Variants in FAF1 observed in about 807,000 individuals in gnomAD.
The protein encoded by FAF1 is FAS-associated factor 1.
In FAF1, 25 loss-of-function variants were observed where a neutral mutation model predicts 92.5. That is an observed-to-expected ratio of 0.27 (90% CI 0.20 to 0.38). The LOEUF (loss-of-function observed/expected upper bound fraction) is 0.38. FAF1 is among the 10% of genes least tolerant of loss of function. The pLI is 1.00. For synonymous variants in FAF1, 234 were observed against 273.2 expected, an observed-to-expected ratio of 0.86 and a Z score of 1.42; for missense variants, 636 against 793.3, an observed-to-expected ratio of 0.80 and a Z score of 2.38.
At chr1:50,529,320 T>C (rs565263027) in intron 15 of FAF1, among the ~76,000 whole-genome samples, 4 of 152,162 alleles carry the variant, frequency 2.6e-5, no homozygotes, top group Non-Finnish European at 5.9e-5. Flanking sequence ...ATGAATGACA[T>C]GAAGTTCAGA....
intron 15 of FAF1, among the ~76,000 whole-genome samples, chr1:50,497,261 C>A: frequency 6.6e-6 from 1 of 151,986 alleles, no homozygotes; most frequent in Non-Finnish European, 1.5e-5. Flanking sequence ...CTCTAAAGTA[C>A]TGAAAGAAAT....
chr1:50,573,073 G>C (rs1350020891), intron 12 of FAF1, among the ~76,000 whole-genome samples: 1 of 151,712 alleles, frequency 6.6e-6, no homozygotes, highest in African/African-American at 2.4e-5. Flanking sequence ...GCAGGAGAGA[G>C]TGACTTCTCT....
intron 4 of FAF1, among the ~76,000 whole-genome samples, chr1:50,761,329 C>T (rs1389616533): frequency 6.6e-6 from 1 of 152,200 alleles, no homozygotes; most frequent in Admixed American, 6.5e-5. Context: ...TCCTCCCTAA[C>T]TCATTTGATG....
At chr1:50,539,796 A>T in intron 13 of FAF1, 68 bp from the exon 14 acceptor site, 1 of 1,121,120 alleles carries the variant, frequency 8.9e-7, no homozygotes, top group Admixed American at 2.0e-5. Flanking sequence ...TACTTCAACA[A>T]AGAACTCATT....
intron 8 of FAF1, among the ~76,000 whole-genome samples, chr1:50,643,572 T>C (rs571819026): frequency 7.9e-5 from 12 of 152,202 alleles, no homozygotes; most frequent in African/African-American, 2.6e-4. Context: ...TCTCTAGAAG[T>C]GTTACTTTGT....
intron 6 of FAF1, among the ~76,000 whole-genome samples, chr1:50,711,592 C>T (rs1657934460): frequency 6.6e-6 from 1 of 151,692 alleles, no homozygotes; most frequent in Non-Finnish European, 1.5e-5. Flanking sequence ...GCCTCGGCCT[C>T]CCGAGTAGCT....
Position 50,751,890 on chromosome 1 carries a change from A to G in FAF1, c.368-7115T>C, listed in dbSNP as rs576341815. Among the ~76,000 whole-genome samples the G allele has an allele frequency of 2.2e-4, 34 of 152,352 alleles. 1 individual carries two copies. In the South Asian group the frequency reaches 4.8e-3, roughly 21 times the overall value. ...CTCTCTTTTTTGCGAAGGACTGGTA[A>G]TAGTTCTTCCTTAAATATTAGACAG... On this transcript the variant is annotated intron_variant, in intron 4 of 18. Transcript: ENST00000396153.
chr1:50,637,273 T>TAAAAAAAA (rs1172030649), intron 8 of FAF1, among the ~76,000 whole-genome samples: 17 of 97,182 alleles, frequency 1.7e-4, no homozygotes, highest in South Asian at 7.7e-4. Flanking sequence ...CCATTTCTAC[T>TAAAAAAAA]AAAAAAAAAA....
intron 1 of FAF1, among the ~76,000 whole-genome samples, chr1:50,897,934 A>C (rs1020191089): frequency 1.3e-5 from 2 of 152,204 alleles, no homozygotes; most frequent in African/African-American, 4.8e-5. Flanking sequence ...AGAGGATATC[A>C]GGATAAATGC....
At chr1:50,886,137 T>C (rs1195172726) in intron 1 of FAF1, among the ~76,000 whole-genome samples, 1 of 152,212 alleles carries the variant, frequency 6.6e-6, no homozygotes, top group Non-Finnish European at 1.5e-5. Context: ...AGTATTATAT[T>C]ATTCTGTGTT....
At chr1:50,888,592 T>C (rs948015308) in intron 1 of FAF1, among the ~76,000 whole-genome samples, 6 of 152,208 alleles carry the variant, frequency 3.9e-5, no homozygotes, top group Admixed American at 3.3e-4. Flanking sequence ...TGAAGGGCTG[T>C]AGAATTTTGT....
Position 50,541,686 on chromosome 1 carries a change from C to T in FAF1, c.1269-1958G>A, listed in dbSNP as rs141879506. Among the ~76,000 whole-genome samples, 965 of 151,504 alleles carry T rather than the reference C, an allele frequency of 6.4e-3. 14 individuals carry two copies. The highest frequency in any genetic ancestry group is 0.022 in the African/African-American group (895 of 41,228). Reference sequence around the variant, plus strand: ...ATAACAAATTATCTGCCCATAAGTGCTATTAAGTACTAGTACTAGCTAAAC... The same window carrying T: ...ATAACAAATTATCTGCCCATAAGTGTTATTAAGTACTAGTACTAGCTAAAC... On this transcript the variant is annotated intron_variant, in intron 13 of 18. Coordinates refer to ENST00000396153, the MANE Select transcript of FAF1 (RefSeq NM_007051.3).
At chr1:50,919,677 C>T (rs2124731248) in intron 1 of FAF1, among the ~76,000 whole-genome samples, 1 of 152,154 alleles carries the variant, frequency 6.6e-6, no homozygotes, top group East Asian at 1.9e-4. Flanking sequence ...TTAGTAGAGA[C>T]AGGGTTTCAC....
chr1:50,733,942 G>A (rs533195577), intron 6 of FAF1, among the ~76,000 whole-genome samples: 17 of 152,152 alleles, frequency 1.1e-4, no homozygotes, highest in African/African-American at 3.1e-4. Flanking sequence ...GGTTACAGGC[G>A]TGCACCACCA....
rs915001100 is a variant in FAF1 at position 50,790,341 on chromosome 1, T to C, written c.162-2136A>G. Reference sequence around the variant, plus strand: ...ATTTTTAGTAGACACGGGCTTTCACTGTATTGGCCAGGCTGGGCTCGAACT... The same window carrying C: ...ATTTTTAGTAGACACGGGCTTTCACCGTATTGGCCAGGCTGGGCTCGAACT... On this transcript the variant is annotated intron_variant, in intron 3 of 18. Transcript: ENST00000396153. Among the ~76,000 whole-genome samples, 5 of 152,052 alleles carry C rather than the reference T, an allele frequency of 3.3e-5. No individual in the cohort carries two copies. In the South Asian group the frequency reaches 8.3e-4, roughly 25 times the overall value.
intron 4 of FAF1, among the ~76,000 whole-genome samples, chr1:50,763,046 G>A (rs1186707225): frequency 3.3e-5 from 5 of 152,090 alleles, no homozygotes; most frequent in Admixed American, 2.0e-4. Context: ...CCTGAGGTCA[G>A]GAGTTCAAGA....
At chr1:50,732,132 T>C (rs1202655266) in intron 6 of FAF1, among the ~76,000 whole-genome samples, 2 of 152,084 alleles carry the variant, frequency 1.3e-5, no homozygotes, top group African/African-American at 4.8e-5. Flanking sequence ...TGGAGTGCAA[T>C]AGCCCGATCT....
At chr1:50,640,363 G>A (rs1311358088) in intron 8 of FAF1, among the ~76,000 whole-genome samples, 11 of 151,400 alleles carry the variant, frequency 7.3e-5, no homozygotes. Flanking sequence ...TGCGATCTCG[G>A]CTCACTGCAA....
chr1:50,954,437 A>G (rs1645247273), intron 1 of FAF1, among the ~76,000 whole-genome samples: 1 of 152,070 alleles, frequency 6.6e-6, no homozygotes, highest in Admixed American at 6.6e-5. Context: ...AGCACTCTGG[A>G]GGCTGAGGTA....
Sources: gnomAD v4.1 joint callset for allele counts (sites outside exome capture counted in the v4.1 genomes callset) on GRCh38, gnomAD v4.1.1 for gene constraint, MANE v1.5 for transcripts, NCBI Gene and HGNC (gene_info 2026-07-23, HGNC 2026-07-21) for gene names.